MSRA: variants seen among roughly 807,000 people sequenced by gnomAD.
The protein encoded by MSRA is mitochondrial peptide methionine sulfoxide reductase.
A neutral mutation model predicts 31.3 loss-of-function variants in MSRA; 54 were observed. That is an observed-to-expected ratio of 1.73 (90% confidence interval 1.39 to 2.17). The LOEUF (loss-of-function observed/expected upper bound fraction) is 2.17. MSRA is among the 30% of genes most tolerant of loss of function. The probability of loss-of-function intolerance (pLI) is 0.00; values close to 1 mark genes in which losing one functional copy is unlikely to be tolerated. For synonymous variants in MSRA, 169 were observed against 116.5 expected (o/e 1.45, Z -2.90); for missense variants, 507 against 300.9 (o/e 1.69, Z -5.07).
chr8:10,402,473 C>G (rs1370643642), intron 5 of MSRA, among the ~76,000 whole-genome samples: 1 of 152,202 alleles, frequency 6.6e-6, no homozygotes, highest in Non-Finnish European at 1.5e-5. Flanking sequence ...GAGAGGGGAG[C>G]CCTGAGGCTG....
intron 2 of MSRA, among the ~76,000 whole-genome samples, chr8:10,208,828 C>G (rs975975705): frequency 2.0e-5 from 3 of 152,246 alleles, no homozygotes; most frequent in Admixed American, 1.3e-4. Flanking sequence ...CTCTCCTGCT[C>G]TGGTCTTGAT....
intron 5 of MSRA, among the ~76,000 whole-genome samples, chr8:10,360,913 T>G (rs1804810067): frequency 6.6e-6 from 1 of 152,224 alleles, no homozygotes; most frequent in Admixed American, 6.5e-5. Flanking sequence ...GGAACATACT[T>G]GGGCAAGCCT....
chr8:10,220,445 G>C (rs1213824705), intron 2 of MSRA, among the ~76,000 whole-genome samples: 1 of 152,220 alleles, frequency 6.6e-6, no homozygotes, highest in African/African-American at 2.4e-5. Context: ...AATATGCTTA[G>C]CATAAGCTGA....
chr8:10,154,199 G>C (rs1803952548), intron 1 of MSRA, among the ~76,000 whole-genome samples: 1 of 152,208 alleles, frequency 6.6e-6, no homozygotes, highest in Non-Finnish European at 1.5e-5. Flanking sequence ...CACTGAATCT[G>C]TGTGGTGGAC....
chr8:10,354,503 C>G (rs550445892), intron 5 of MSRA, among the ~76,000 whole-genome samples: 2 of 152,104 alleles, frequency 1.3e-5, no homozygotes, highest in African/African-American at 4.8e-5. Flanking sequence ...ATAATAGTAC[C>G]TTTGCTAATC....
intron 1 of MSRA, among the ~76,000 whole-genome samples, chr8:10,083,683 G>GT (rs551075840): frequency 9.3e-5 from 14 of 151,274 alleles, no homozygotes; most frequent in East Asian, 7.8e-4. Context: ...ATTCAAAGAG[G>GT]TTTTTTTTTC....
At chr8:10,382,405 G>C (rs1210229619) in intron 5 of MSRA, among the ~76,000 whole-genome samples, 1 of 152,226 alleles carries the variant, frequency 6.6e-6, no homozygotes, top group Non-Finnish European at 1.5e-5. Context: ...CCTGTACCCA[G>C]AGTCGCCCTT....
At chr8:10,353,295 C>T (rs887434918) in intron 5 of MSRA, among the ~76,000 whole-genome samples, 8 of 152,248 alleles carry the variant, frequency 5.3e-5, no homozygotes, top group Non-Finnish European at 1.0e-4. Flanking sequence ...AGCCACTCAG[C>T]AGCAGCTAGC....
intron 5 of MSRA, among the ~76,000 whole-genome samples, chr8:10,347,790 T>G (rs1468860651): frequency 6.6e-6 from 1 of 152,208 alleles, no homozygotes; most frequent in African/African-American, 2.4e-5. Context: ...TTCAATCCCG[T>G]TACCCTAGTT....
At chr8:10,239,900 C>G (rs1323251617) in intron 2 of MSRA, among the ~76,000 whole-genome samples, 1 of 105,126 alleles carries the variant, frequency 9.5e-6, no homozygotes, top group Non-Finnish European at 2.4e-5. Context: ...CCGGCACCCA[C>G]CTGCACAGTT....
At chr8:10,054,779 T>TG (rs983890857) in intron 1 of MSRA, 121 bp downstream of exon 1, 2 of 1,176,640 alleles carry the variant, frequency 1.7e-6, no homozygotes, top group African/African-American at 3.2e-5. Context: ...GGTCGCGGGG[T>TG]GGGGGTCTGC....
At chr8:10,084,568 C>G (rs1460360437) in intron 1 of MSRA, among the ~76,000 whole-genome samples, 1 of 152,202 alleles carries the variant, frequency 6.6e-6, no homozygotes, top group Non-Finnish European at 1.5e-5. Flanking sequence ...AAATTTATTA[C>G]TCTATGATCT....
intron 1 of MSRA, among the ~76,000 whole-genome samples, chr8:10,143,913 G>C (rs977497347): frequency 6.6e-5 from 10 of 152,138 alleles, no homozygotes; most frequent in African/African-American, 2.4e-4. Flanking sequence ...ATTCTTGTCT[G>C]CTGCTTTTCT....
chr8:10,371,064 C>T (rs990643377), intron 5 of MSRA, among the ~76,000 whole-genome samples: 1 of 152,186 alleles, frequency 6.6e-6, no homozygotes, highest in Admixed American at 6.5e-5. Context: ...TGTTTTCAGA[C>T]CATGCTAACC....
intron 5 of MSRA, among the ~76,000 whole-genome samples, chr8:10,400,361 C>CTGTGTGTGTG (rs778722885): frequency 6.1e-5 from 9 of 148,110 alleles, no homozygotes; most frequent in African/African-American, 1.5e-4. Flanking sequence ...TATTCAGGCT[C>CTGTGTGTGTG]TGTGTGTGTG....
At chr8:10,260,851 G>A (rs748017078) in intron 3 of MSRA, among the ~76,000 whole-genome samples, 14 of 152,150 alleles carry the variant, frequency 9.2e-5, no homozygotes, top group African/African-American at 2.9e-4. Context: ...TGTTGTAATC[G>A]TATGACTTTC....
intron 5 of MSRA, among the ~76,000 whole-genome samples, chr8:10,321,783 T>C (rs1428672005): frequency 6.6e-6 from 1 of 152,154 alleles, no homozygotes; most frequent in Non-Finnish European, 1.5e-5. Flanking sequence ...CCAAGAACTA[T>C]GTGAGTGAGC....
At chr8:10,216,737 T>C (rs4840466) in intron 2 of MSRA, among the ~76,000 whole-genome samples, 147,169 of 152,358 alleles carry the variant, frequency 0.97, 71,198 homozygotes, top group East Asian at 1. Context: ...CCATGTTGTA[T>C]TGTGTATGAA....
chr8:10,363,738 C>CCACAGACACACACACACACACACA (rs1804992038), intron 5 of MSRA, among the ~76,000 whole-genome samples: 1 of 103,288 alleles, frequency 9.7e-6, no homozygotes, highest in Non-Finnish European at 1.9e-5. Flanking sequence ...GATGCAGTCA[C>CCACAGACACACACACACACACACA]CACACACACA....
Sources: allele counts gnomAD v4.1 joint callset (sites outside exome capture counted in the v4.1 genomes callset), GRCh38; gene constraint gnomAD v4.1.1; transcripts MANE v1.5; gene names NCBI Gene and HGNC (gene_info 2026-07-23, HGNC 2026-07-21).